The following MYNN variants were observed in gnomAD, a reference collection of about 807,000 sequenced individuals.
The protein encoded by MYNN is myoneurin, also known as zinc finger and BTB domain-containing protein 31.
In MYNN, 22 loss-of-function variants were observed where a neutral mutation model predicts 57.2. The observed-to-expected ratio is 0.38, with a 90% CI of 0.27 to 0.55. MYNN has a LOEUF of 0.55. MYNN is among the 20% of genes least tolerant of loss of function. The pLI, the probability that MYNN is intolerant of heterozygous loss-of-function variation, is 0.71. For missense variants in MYNN, 566 were observed against 723.1 expected (o/e 0.78, Z 2.49); for synonymous variants, 241 against 257.1 (o/e 0.94, Z 0.60).
At position 169,779,004 on chromosome 3, in the gene MYNN, A is replaced by G; in HGVS notation, c.503A>G (p.Lys168Arg). ...VSTDLIQANP[K>R]QGALAKKSSQ... ...ACAGATTTGATTCAGGCAAATCCTA[A>G]ACAAGGCGCGTTAGCGAAAAAGTCA... Residue 168 changes from lysine (K) to arginine (R), a missense_variant, in exon 3 of 8, where the codon AAA becomes AGA. Around this residue, in one of 4 missense-constraint regions of MYNN, gnomAD observed 261 missense variants for 280.8 expected, o/e 0.93. Transcript: ENST00000349841. The G allele has an allele frequency of 1.2e-6, 2 of 1,613,906 alleles. No individual in the cohort carries two copies. Among genetic ancestry groups the G allele is most frequent in the Non-Finnish European group, 1.7e-6 (2 of 1,180,034 alleles).
Position 169,787,760 on chromosome 3 carries a change from G to A in MYNN, c.*1082G>A, listed in dbSNP as rs1778713581. ...TTTATAAATTAAACCACAACTTTTG[G>A]TGGTGGTTGTAGTTTCACAATGGTC... On this transcript the variant is annotated 3_prime_UTR_variant, in exon 8 of 8. Coordinates refer to ENST00000349841, the MANE Select transcript of MYNN (RefSeq NM_018657.5). 1 of 151,968 alleles carries A rather than the reference G, an allele frequency of 6.6e-6. No individual in the cohort carries two copies. The highest frequency in any genetic ancestry group is 1.5e-5 in the Non-Finnish European group (1 of 67,922). 9.4% of individuals were successfully genotyped at this position (151,968 alleles called of 1,614,324 possible).
intron 7 of MYNN, among the ~76,000 whole-genome samples, chr3:169,785,069 A>G (rs970966090): frequency 9.1e-6 from 1 of 110,084 alleles, no homozygotes; most frequent in African/African-American, 3.2e-5. Flanking sequence ...TATGAAAAAA[A>G]AGGGGGGGGG....
intron 2 of MYNN, among the ~76,000 whole-genome samples, chr3:169,775,523 C>G (rs1378959954): frequency 2.6e-5 from 4 of 152,132 alleles, no homozygotes; most frequent in Admixed American, 1.3e-4. Flanking sequence ...ATGATGCAAT[C>G]TCTCTGGGCC....
In MYNN at chr3:169,778,941, T is replaced by G; in HGVS notation, c.440T>G (p.Leu147Arg). 6.2e-7 allele frequency: 1 copy of G among 1,613,926 alleles called. No homozygotes were observed. Among genetic ancestry groups the G allele is most frequent in the Non-Finnish European group, 8.5e-7 (1 of 1,180,012 alleles). The change falls in exon 3 of 8, where the codon CTG becomes CGG. Residue 147 changes from leucine (L) to arginine (R), a missense_variant. Leu to Arg is a moderately radical substitution (Grantham distance 102). Transcript: ENST00000349841. ...AATCAACAGACTTGTCTTCTTACTC[T>G]GCGAGATTATAATAATCGAGAGAAA... The part of the protein sequence containing the change: ...ELNQQTCLLT[L>R]RDYNNREKSE...
Position 169,789,154 on chromosome 3 carries a change from T to TA in MYNN, c.*2481dup, listed in dbSNP as rs1577405058. 1 of 152,328 alleles carries TA rather than the reference T, an allele frequency of 6.6e-6. No individual in the cohort carries two copies. Among genetic ancestry groups the TA allele is most frequent in the East Asian group, 1.9e-4 (1 of 5,192 alleles). The allele number at this position is 152,328 out of a possible 1,614,324, so 9.4% of individuals were successfully genotyped here. A position where few individuals can be genotyped will look rare whatever the true frequency, so the allele number is the denominator to read the frequency against. The stretch of plus-strand genomic sequence containing the variant: ...ATTTTAAAAGAAACCGTAGATTATA[T>TA]AAAAATTTTTTTGCTGTTTTTAAAT... On this transcript the variant is annotated 3_prime_UTR_variant, in exon 8 of 8. Coordinates refer to ENST00000349841, the MANE Select transcript of MYNN (RefSeq NM_018657.5).
At position 169,787,936 on chromosome 3, in the gene MYNN, C is replaced by G. The variant is rs1560591247; in HGVS notation, c.*1258C>G. 1 of 152,050 alleles carries G rather than the reference C, an allele frequency of 6.6e-6. No individual in the cohort carries two copies. Among genetic ancestry groups the G allele is most frequent in the Non-Finnish European group, 1.5e-5 (1 of 67,972 alleles). The allele number at this position is 152,050 out of a possible 1,614,324, so 9.4% of individuals were successfully genotyped here. A position where few individuals can be genotyped will look rare whatever the true frequency, so the allele number is the denominator to read the frequency against. Reference sequence around the variant, plus strand: ...TTCCACAAAGTCAATTTTTATAGTGCCAATCAAACAGCATGGTGATATTCT... The same window carrying G: ...TTCCACAAAGTCAATTTTTATAGTGGCAATCAAACAGCATGGTGATATTCT... On this transcript the variant is annotated 3_prime_UTR_variant, in exon 8 of 8. Coordinates refer to ENST00000349841, the MANE Select transcript of MYNN (RefSeq NM_018657.5).
chr3:169,778,065 CA>C, intron 2 of MYNN: 1 of 152,084 alleles, frequency 6.6e-6, no homozygotes, highest in Non-Finnish European at 1.5e-5. Flanking sequence ...CCTGCCTCTA[CA>C]AAAAAAATAG....
chr3:169,786,530 T>C lies in MYNN; in HGVS notation c.1685T>C (p.Leu562Ser), dbSNP rs151055732. 28 of 1,613,652 alleles carry C rather than the reference T, an allele frequency of 1.7e-5. No individual in the cohort carries two copies. Among genetic ancestry groups the C allele is most frequent in the Non-Finnish European group, 2.3e-5 (27 of 1,179,702 alleles). Residue 562 changes from leucine (L) to serine (S), a missense_variant, in exon 8 of 8, where the codon TTA becomes TCA. Physicochemically the swap from Leu to Ser is moderately radical, Grantham distance 145 (BLOSUM62 -2). This residue lies in a region of MYNN where 156 missense variants were observed against 163.9 expected (regional missense o/e 0.95). Coordinates refer to ENST00000349841, the MANE Select transcript of MYNN (RefSeq NM_018657.5). ...TMDVKPSDMTLPLALPLGTED... is the reference protein window; with the variant it reads ...TMDVKPSDMTSPLALPLGTED... Reference sequence around the variant, plus strand: ...GATGTGAAGCCTTCTGATATGACTTTACCATTAGCTCTTCCACTTGGGACT... The same window carrying C: ...GATGTGAAGCCTTCTGATATGACTTCACCATTAGCTCTTCCACTTGGGACT...
chr3:169,786,598 C>G lies in MYNN; in HGVS notation c.1753C>G (p.Pro585Ala). 1 of 1,613,614 alleles carries G rather than the reference C, an allele frequency of 6.2e-7. No homozygotes were observed. The highest frequency in any genetic ancestry group is 8.5e-7 in the Non-Finnish European group (1 of 1,179,622). ...MLLPVTDTQSPTSDTLLRSTV... is the reference protein window; with the variant it reads ...MLLPVTDTQSATSDTLLRSTV... ...TCTGCCTGTCACGGATACTCAGTCT[C>G]CTACATCAGATACATTGTTGAGGTC... The change falls in exon 8 of 8, where the codon CCT becomes GCT. Residue 585 changes from proline (P) to alanine (A), a missense_variant. Pro to Ala is a conservative substitution (Grantham distance 27). Around this residue, in one of 4 missense-constraint regions of MYNN, gnomAD observed 156 missense variants for 163.9 expected, o/e 0.95. Transcript: ENST00000349841.
In MYNN at chr3:169,774,571, A is replaced by G; in HGVS notation, c.266+10A>G. 6.2e-7 allele frequency: 1 copy of G among 1,601,198 alleles called. No individual in the cohort carries two copies. The highest frequency in any genetic ancestry group is 8.5e-7 in the Non-Finnish European group (1 of 1,170,696). The stretch of plus-strand genomic sequence containing the variant: ...CTTTAAATCTTGACAGGTAAAGTAC[A>G]CATTTTATTTTCAGTTATAAAAGCT... On this transcript the variant is annotated intron_variant, in intron 2 of 7. Transcript: ENST00000349841.
At chr3:169,776,354 CAG>C (rs1159005529) in intron 2 of MYNN, among the ~76,000 whole-genome samples, 5 of 152,280 alleles carry the variant, frequency 3.3e-5, no homozygotes, top group East Asian at 1.9e-4. Flanking sequence ...TAAGTTGGCT[CAG>C]GGGCCAGATT....
At chr3:169,773,957 G>A (rs1778252447) in intron 1 of MYNN, 1 of 257,252 alleles carries the variant, frequency 3.9e-6, no homozygotes, top group East Asian at 8.4e-5. Flanking sequence ...TGTAACATAA[G>A]TATGTCTACT....
Position 169,786,719 on chromosome 3 carries a change from C to G in MYNN, c.*41C>G, listed in dbSNP as rs1006610643. ...GGAATTGCTAAGATATCATTGGTAG[C>G]AAACATCTCTGGTAAGGTGCATATA... is the stretch of plus-strand genomic sequence containing the variant. On this transcript the variant is annotated 3_prime_UTR_variant, in exon 8 of 8. Coordinates refer to ENST00000349841, the MANE Select transcript of MYNN (RefSeq NM_018657.5). The G allele has an allele frequency of 6.3e-7, 1 of 1,579,374 alleles. No homozygotes were observed. Among genetic ancestry groups the G allele is most frequent in the East Asian group, 2.3e-5 (1 of 44,432 alleles).
At chr3:169,784,859 T>C (rs1778626101) in intron 7 of MYNN, 151 bp downstream of exon 7, 1 of 407,660 alleles carries the variant, frequency 2.5e-6, no homozygotes, top group Non-Finnish European at 4.4e-6. Flanking sequence ...GTGAGGAAAG[T>C]AGCTTTTTTG....
intron 7 of MYNN, among the ~76,000 whole-genome samples, chr3:169,785,732 G>A (rs901536343): frequency 1.3e-5 from 2 of 152,000 alleles, no homozygotes; most frequent in African/African-American, 4.8e-5. Context: ...ACAATTTTAC[G>A]AAAGCAGTTT....
rs754407671 is a variant in MYNN, at chr3:169,786,721, AAC to A, written c.*45_*46del. ...AATTGCTAAGATATCATTGGTAGCA[AAC>A]ATCTCTGGTAAGGTGCATATATTCA... On this transcript the variant is annotated 3_prime_UTR_variant, in exon 8 of 8. Transcript: ENST00000349841. 1.5e-4 allele frequency: 243 copies of A among 1,578,098 alleles called. No individual in the cohort carries two copies. The highest frequency in any genetic ancestry group is 2.0e-4 in the Non-Finnish European group (232 of 1,153,048).
intron 6 of MYNN, 95 bp from the exon 7 acceptor site, chr3:169,784,524 TATA>T (rs146706191): frequency 0.013 from 9,823 of 739,570 alleles, 214 homozygotes; most frequent in African/African-American, 0.062. Flanking sequence ...ATTTAAACAC[TATA>T]ATAATTTTTG....
At chr3:169,780,478 C>T (rs1417927371) in intron 3 of MYNN, 112 bp from the exon 4 acceptor site, 2 of 682,918 alleles carry the variant, frequency 2.9e-6, no homozygotes, top group East Asian at 3.1e-5. Context: ...TTTTCAGTTC[C>T]AACAGTTAAC....
intron 2 of MYNN, among the ~76,000 whole-genome samples, chr3:169,774,894 A>G (rs1309750579): frequency 6.6e-6 from 1 of 152,042 alleles, no homozygotes; most frequent in African/African-American, 2.4e-5. Context: ...GCTGGAGTGC[A>G]GTGGGGCAAT....
Sources: allele counts gnomAD v4.1 joint callset (sites outside exome capture counted in the v4.1 genomes callset), GRCh38; gene constraint gnomAD v4.1.1; regional missense constraint gnomAD v4.1.1; transcripts MANE v1.5; gene names NCBI Gene and HGNC (gene_info 2026-07-23, HGNC 2026-07-21).